Variants in CACNA1C observed in about 807,000 individuals in gnomAD.
The protein encoded by CACNA1C is voltage-dependent L-type calcium channel subunit alpha-1C.
A neutral mutation model predicts 229.0 loss-of-function variants in CACNA1C; 30 were observed. The ratio of observed to expected loss-of-function variants is 0.13; its 90% CI spans 0.10 to 0.18. The LOEUF is 0.18. Ranked by LOEUF, CACNA1C falls within the 10% of genes least tolerant of loss-of-function variation. The probability of loss-of-function intolerance (pLI) is 1.00; values close to 1 mark genes in which losing one functional copy is unlikely to be tolerated. For synonymous variants in CACNA1C, 1,114 were observed against 1,132.5 expected (o/e 0.98, Z 0.33); for missense variants, 1,658 against 2,845.0 (o/e 0.58, Z 9.49).
At chr12:2,196,241 G>T (rs1048875233) in intron 3 of CACNA1C, among the ~76,000 whole-genome samples, 1 of 152,194 alleles carries the variant, frequency 6.6e-6, no homozygotes, top group East Asian at 1.9e-4. Flanking sequence ...AGCTCCTCTT[G>T]TCTGTCTGGC....
chr12:2,374,255 A>G (rs986714893), intron 3 of CACNA1C, among the ~76,000 whole-genome samples: 3 of 152,090 alleles, frequency 2.0e-5, no homozygotes, highest in Non-Finnish European at 4.4e-5. Context: ...TTTTTTAGTA[A>G]TGGACTGTTG....
intron 3 of CACNA1C, among the ~76,000 whole-genome samples, chr12:2,333,956 T>G (rs571380276): frequency 6.6e-6 from 1 of 152,282 alleles, no homozygotes; most frequent in Admixed American, 6.5e-5. Flanking sequence ...ACTAGGTCAG[T>G]CTTCTAACTT....
At chr12:2,668,035 C>T (rs1036729576) in intron 37 of CACNA1C, among the ~76,000 whole-genome samples, 1 of 152,240 alleles carries the variant, frequency 6.6e-6, no homozygotes, top group Non-Finnish European at 1.5e-5. Flanking sequence ...TGTCAGCAAG[C>T]TTCTGCTCCA....
chr12:2,014,600 A>AAAGT (rs1476972436), intron 1 of CACNA1C, among the ~76,000 whole-genome samples: 6 of 152,182 alleles, frequency 3.9e-5, no homozygotes, highest in Non-Finnish European at 7.3e-5. Context: ...TTGAGTGTGA[A>AAAGT]AAGTTTGGGA....
At chr12:2,513,851 A>G (rs1039362277) in intron 9 of CACNA1C, among the ~76,000 whole-genome samples, 2 of 151,036 alleles carry the variant, frequency 1.3e-5, no homozygotes, top group Non-Finnish European at 2.9e-5. Context: ...TGTTTTGACA[A>G]CTCCCCCAGG....
At chr12:2,657,186 A>C (rs769254153) in intron 34 of CACNA1C, among the ~76,000 whole-genome samples, 15 of 152,216 alleles carry the variant, frequency 9.9e-5, no homozygotes, top group Non-Finnish European at 1.9e-4. Flanking sequence ...AGTAAAAAAT[A>C]ATGAAGTTTA....
chr12:2,409,901 G>A (rs1326945518), intron 3 of CACNA1C, among the ~76,000 whole-genome samples: 1 of 152,208 alleles, frequency 6.6e-6, no homozygotes, highest in Non-Finnish European at 1.5e-5. Flanking sequence ...AGGGAGGAGA[G>A]GGAAGTAGGG....
rs57301462 is a variant in CACNA1C at position 2,468,703 on chromosome 12, G to A, written c.757+10997G>A. ...AGAGTTGTGAGCCCCTTGGGTGGCA[G>A]GACCTGATGGCAAATAGTATTGTTG... is the stretch of plus-strand genomic sequence containing the variant. On this transcript the variant is annotated intron_variant, in intron 5 of 46. Coordinates refer to ENST00000399655, the MANE Select transcript of CACNA1C (RefSeq NM_000719.7). 1.3e-3 allele frequency among the ~76,000 whole-genome samples: 199 copies of A among 152,368 alleles called. 4 individuals are homozygous for A. The East Asian group carries it at 0.027, about 21-fold the overall frequency.
chr12:2,510,132 G>A lies in CACNA1C; in HGVS notation c.1218-2680G>A, dbSNP rs548068858. On this transcript the variant is annotated intron_variant, in intron 8 of 46. Transcript: ENST00000399655. ...CTGGCGAGAGATGCAGTCCTGTCTC[G>A]TGACAAATCCCACAGCTGTGACTGA... Among the ~76,000 whole-genome samples the A allele has an allele frequency of 5.9e-5, 9 of 152,258 alleles. No individual in the cohort carries two copies. In the South Asian group the frequency reaches 1.2e-3, roughly 21 times the overall value.
intron 1 of CACNA1C, among the ~76,000 whole-genome samples, chr12:2,059,126 T>G (rs1216036775): frequency 6.6e-6 from 1 of 152,048 alleles, no homozygotes; most frequent in Non-Finnish European, 1.5e-5. Context: ...GCTAGCTGTG[T>G]GTACCGTGTG....
chr12:2,113,901 G>C (rs2082762248), intron 1 of CACNA1C, among the ~76,000 whole-genome samples: 1 of 152,228 alleles, frequency 6.6e-6, no homozygotes, highest in African/African-American at 2.4e-5. Flanking sequence ...CACCAGAGCA[G>C]GGCAGCTGTC....
At chr12:2,080,488 C>A (rs1236161220) in intron 1 of CACNA1C, among the ~76,000 whole-genome samples, 1 of 151,496 alleles carries the variant, frequency 6.6e-6, no homozygotes, top group East Asian at 1.9e-4. Context: ...GTAATCCCAG[C>A]TACTTGGGAG....
intron 3 of CACNA1C, among the ~76,000 whole-genome samples, chr12:2,375,668 A>G (rs1027270836): frequency 1.3e-5 from 2 of 152,146 alleles, no homozygotes; most frequent in African/African-American, 2.4e-5. Flanking sequence ...ATCATACCCT[A>G]AGGATGCTTA....
At chr12:2,609,577 TC>T (rs1056653068) in intron 27 of CACNA1C, among the ~76,000 whole-genome samples, 29 of 148,522 alleles carry the variant, frequency 2.0e-4, no homozygotes, top group African/African-American at 7.3e-4. Flanking sequence ...CGATCTAGTA[TC>T]CGGTTAATGA....
chr12:2,327,793 T>C (rs2096385489), intron 3 of CACNA1C, among the ~76,000 whole-genome samples: 1 of 152,246 alleles, frequency 6.6e-6, no homozygotes, highest in Non-Finnish European at 1.5e-5. Context: ...TACCTCATTA[T>C]AGGTACTCAT....
At chr12:2,513,621 G>C (rs1003177188) in intron 9 of CACNA1C, among the ~76,000 whole-genome samples, 31 of 152,342 alleles carry the variant, frequency 2.0e-4, no homozygotes, top group African/African-American at 7.2e-4. Flanking sequence ...CTGTGGCTGA[G>C]ATAGAAATGA....
At chr12:2,626,749 C>G (rs2086857371) in intron 29 of CACNA1C, among the ~76,000 whole-genome samples, 1 of 152,048 alleles carries the variant, frequency 6.6e-6, no homozygotes, top group Non-Finnish European at 1.5e-5. Flanking sequence ...CCTGAGACCC[C>G]CAAATGGAGC....
chr12:2,282,492 G>A (rs534623191), intron 3 of CACNA1C, among the ~76,000 whole-genome samples: 3 of 152,242 alleles, frequency 2.0e-5, no homozygotes, highest in East Asian at 3.9e-4. Flanking sequence ...GTCAACACCC[G>A]GAAGAAAACT....
At position 2,590,089 on chromosome 12, in the gene CACNA1C, T is replaced by A. The variant is rs141710814; in HGVS notation, c.2531-3124T>A. Reference sequence around the variant, plus strand: ...TGCGCCCTGCTAGAAACTAAGCTCCTTGAGGACAAGAACCATGGCTTTGTC... The same window carrying A: ...TGCGCCCTGCTAGAAACTAAGCTCCATGAGGACAAGAACCATGGCTTTGTC... On this transcript the variant is annotated intron_variant, in intron 18 of 46. Transcript: ENST00000399655. 9.8e-5 allele frequency among the ~76,000 whole-genome samples: 15 copies of A among 152,318 alleles called. No individual in the cohort carries two copies. The East Asian group carries it at 2.7e-3, about 28-fold the overall frequency.
Sources: gnomAD v4.1 joint callset for allele counts (sites outside exome capture counted in the v4.1 genomes callset) on GRCh38, gnomAD v4.1.1 for gene constraint, MANE v1.5 for transcripts, NCBI Gene and HGNC (gene_info 2026-07-23, HGNC 2026-07-21) for gene names.